The following NRXN1 variants were observed in gnomAD, a reference collection of about 807,000 sequenced individuals.
NRXN1 encodes the protein neurexin-1.
Under a neutral mutation model 150.9 loss-of-function variants are expected in NRXN1, and 39 were observed. The observed-to-expected ratio is 0.26, with a 90% CI of 0.20 to 0.34. The LOEUF (loss-of-function observed/expected upper bound fraction) is 0.34. Ranked by LOEUF, NRXN1 falls within the 10% of genes least tolerant of loss-of-function variation. The pLI is 1.00. For synonymous variants in NRXN1, 924 were observed against 757.0 expected, an observed-to-expected ratio of 1.22 and a Z score of -3.62; for missense variants, 1,815 against 1,949.9, an observed-to-expected ratio of 0.93 and a Z score of 1.30.
chr2:50,401,033 C>G (rs1290905941), intron 17 of NRXN1, among the ~76,000 whole-genome samples: 1 of 151,972 alleles, frequency 6.6e-6, no homozygotes, highest in African/African-American at 2.4e-5. Context: ...TATTGTGGAC[C>G]TTTTCTGATA....
At chr2:50,665,279 T>C (rs1289334951) in intron 5 of NRXN1, among the ~76,000 whole-genome samples, 1 of 151,974 alleles carries the variant, frequency 6.6e-6, no homozygotes, top group Non-Finnish European at 1.5e-5. Flanking sequence ...TGCCCTCTCA[T>C]ACCTTAAAAT....
chr2:50,044,624 A>C (rs1303516432), intron 21 of NRXN1, among the ~76,000 whole-genome samples: 1 of 152,164 alleles, frequency 6.6e-6, no homozygotes, highest in East Asian at 1.9e-4. Flanking sequence ...TGATGCTGTT[A>C]ATAATATACT....
intron 2 of NRXN1, among the ~76,000 whole-genome samples, chr2:50,976,038 T>C (rs545832096): frequency 4.5e-4 from 68 of 152,198 alleles, no homozygotes; most frequent in African/African-American, 1.6e-3. Context: ...ACTAGACATC[T>C]GCATATGTCT....
At chr2:50,378,026 T>C (rs2080655960) in intron 17 of NRXN1, among the ~76,000 whole-genome samples, 1 of 152,144 alleles carries the variant, frequency 6.6e-6, no homozygotes, top group Non-Finnish European at 1.5e-5. Context: ...CCAAGAATCA[T>C]GGAATCTTCA....
chr2:50,270,138 G>A (rs996324466), intron 17 of NRXN1, among the ~76,000 whole-genome samples: 4 of 152,006 alleles, frequency 2.6e-5, no homozygotes, highest in African/African-American at 7.3e-5. Context: ...AACCATGTGG[G>A]AGAATCCCAG....
intron 5 of NRXN1, among the ~76,000 whole-genome samples, chr2:50,660,259 A>C (rs955610916): frequency 6.6e-6 from 1 of 152,010 alleles, no homozygotes; most frequent in Admixed American, 6.6e-5. Context: ...TAAGGTTTTC[A>C]TGTAAGATAA....
chr2:50,908,001 T>C (rs1683967321), intron 5 of NRXN1, among the ~76,000 whole-genome samples: 1 of 152,154 alleles, frequency 6.6e-6, no homozygotes, highest in Admixed American at 6.6e-5. Flanking sequence ...TTGGTTTCTG[T>C]AAATAACTTA....
At chr2:50,684,824 C>T (rs865893660) in intron 5 of NRXN1, among the ~76,000 whole-genome samples, 5 of 152,224 alleles carry the variant, frequency 3.3e-5, no homozygotes, top group Middle Eastern at 6.8e-3. Context: ...TTAGATAAAG[C>T]TAAATTGACA....
intron 21 of NRXN1, chr2:50,024,094 C>G (rs146126179): frequency 2.0e-5 from 3 of 152,264 alleles, no homozygotes; most frequent in Admixed American, 6.5e-5. Flanking sequence ...AATTGTGTGT[C>G]CTACCTTTCT....
At chr2:50,420,210 C>G (rs1468939394) in intron 17 of NRXN1, among the ~76,000 whole-genome samples, 1 of 152,000 alleles carries the variant, frequency 6.6e-6, no homozygotes, top group East Asian at 1.9e-4. Flanking sequence ...CAATTCAAAT[C>G]AAAGTGAGCA....
intron 21 of NRXN1, among the ~76,000 whole-genome samples, chr2:50,012,006 T>C (rs909973392): frequency 2.6e-5 from 4 of 152,100 alleles, no homozygotes; most frequent in African/African-American, 9.7e-5. Context: ...ACATTATGGA[T>C]GTAAGGCAAA....
chr2:50,328,662 G>A (rs1363524907), intron 17 of NRXN1, among the ~76,000 whole-genome samples: 1 of 152,172 alleles, frequency 6.6e-6, no homozygotes, highest in East Asian at 1.9e-4. Flanking sequence ...TTTGAAACCA[G>A]GAGGCAGAGG....
intron 1 of NRXN1, among the ~76,000 whole-genome samples, chr2:51,031,575 C>G (rs771302190): frequency 6.6e-6 from 1 of 152,154 alleles, no homozygotes; most frequent in Non-Finnish European, 1.5e-5. Flanking sequence ...CTTTCCCGCC[C>G]AGTCTCTAAG....
intron 5 of NRXN1, among the ~76,000 whole-genome samples, chr2:50,887,943 C>A (rs1286868455): frequency 2.9e-5 from 4 of 138,988 alleles, no homozygotes; most frequent in Non-Finnish European, 4.7e-5. Flanking sequence ...GAAAATAAAA[C>A]AATAAGGTAC....
chr2:50,996,479 A>G (rs537742740), intron 2 of NRXN1, among the ~76,000 whole-genome samples: 1 of 152,126 alleles, frequency 6.6e-6, no homozygotes, highest in Non-Finnish European at 1.5e-5. Flanking sequence ...ATAGAACTAC[A>G]TATTTATTTC....
At chr2:50,427,268 T>C (rs185865199) in intron 17 of NRXN1, among the ~76,000 whole-genome samples, 2 of 151,730 alleles carry the variant, frequency 1.3e-5, no homozygotes, top group African/African-American at 4.8e-5. Flanking sequence ...AAGAATAAGT[T>C]AAATTACTGG....
intron 2 of NRXN1, among the ~76,000 whole-genome samples, chr2:50,945,463 C>T (rs1260426364): frequency 2.0e-5 from 3 of 151,204 alleles, no homozygotes; most frequent in African/African-American, 7.3e-5. Flanking sequence ...GACACTGTCT[C>T]AAAAAATAAT....
intron 12 of NRXN1, among the ~76,000 whole-genome samples, chr2:50,520,503 A>T (rs1032572744): frequency 6.6e-6 from 1 of 151,988 alleles, no homozygotes; most frequent in Non-Finnish European, 1.5e-5. Context: ...ACCAGCAGAT[A>T]TAAACATTTA....
At chr2:51,024,140 T>G (rs1251570823) in intron 2 of NRXN1, among the ~76,000 whole-genome samples, 1 of 152,162 alleles carries the variant, frequency 6.6e-6, no homozygotes, top group Non-Finnish European at 1.5e-5. Context: ...GATCTATGAG[T>G]GCTCTTAAGT....
Sources: allele counts gnomAD v4.1 joint callset (sites outside exome capture counted in the v4.1 genomes callset), GRCh38; gene constraint gnomAD v4.1.1; transcripts MANE v1.5; gene names NCBI Gene and HGNC (gene_info 2026-07-23, HGNC 2026-07-21).